Variants in PCDHA2 observed in about 807,000 individuals in gnomAD.
PCDHA2 encodes the protein protocadherin alpha 2, also known as protocadherin alpha-2.
A neutral mutation model predicts 66.0 loss-of-function variants in PCDHA2; 58 were observed. The ratio of observed to expected loss-of-function variants is 0.88; its 90% CI spans 0.71 to 1.09. The LOEUF (loss-of-function observed/expected upper bound fraction) is 1.09, where lower values mean the gene tolerates loss of function less well. Ranked by LOEUF, PCDHA2 falls within the 50% of genes least tolerant of loss-of-function variation. PCDHA2 has a pLI of 0.00. For missense variants in PCDHA2, 1,267 were observed against 1,242.3 expected, an observed-to-expected ratio of 1.02 and a Z score of -0.30; for synonymous variants, 634 against 554.0, an observed-to-expected ratio of 1.14 and a Z score of -2.03.
At chr5:140,848,190 T>C in intron 1 of PCDHA2, 1 of 291,738 alleles carries the variant, frequency 3.4e-6, no homozygotes, top group South Asian at 6.2e-5. Flanking sequence ...CGGGATCTTC[T>C]GTTTCAACAA....
chr5:140,975,707 A>G (rs1445809800), intron 1 of PCDHA2, among the ~76,000 whole-genome samples: 1 of 152,204 alleles, frequency 6.6e-6, no homozygotes, highest in East Asian at 1.9e-4. Context: ...ATTTTACTTT[A>G]AATCTTAGAA....
At position 140,972,813 on chromosome 5, in the gene PCDHA2, G is replaced by A. The variant is rs559474622; in HGVS notation, c.2389-6136G>A. Reference sequence around the variant, plus strand: ...TGAGTAGCTGAGATTACAGGCACGCGCCACCACGCCTGGCTAATTTTTGTA... The same window carrying A: ...TGAGTAGCTGAGATTACAGGCACGCACCACCACGCCTGGCTAATTTTTGTA... On this transcript the variant is annotated intron_variant, in intron 1 of 3. Transcript: ENST00000526136. Among the ~76,000 whole-genome samples, 11 of 151,984 alleles carry A rather than the reference G, an allele frequency of 7.2e-5. No individual in the cohort carries two copies. In the East Asian group the frequency reaches 1.2e-3, roughly 16 times the overall value.
chr5:140,829,852 A>G, intron 1 of PCDHA2: 2 of 1,613,942 alleles, frequency 1.2e-6, no homozygotes, highest in Admixed American at 1.7e-5. Context: ...CACTGGGTGC[A>G]GGCCAAGTGG....
At chr5:140,862,657 C>A (rs2047475881) in intron 1 of PCDHA2, 6 of 545,246 alleles carry the variant, frequency 1.1e-5, no homozygotes, top group Admixed American at 9.6e-5. Flanking sequence ...CGCGCGGGAC[C>A]GGGACGCGCA....
chr5:140,852,729 T>C, intron 1 of PCDHA2: 1 of 983,952 alleles, frequency 1.0e-6, no homozygotes, highest in South Asian at 4.8e-5. Flanking sequence ...TTTTTCAAGT[T>C]TCATGTGCCA....
At chr5:140,835,628 C>T (rs2150239805) in intron 1 of PCDHA2, 1 of 1,613,890 alleles carries the variant, frequency 6.2e-7, no homozygotes, top group Admixed American at 1.7e-5. Context: ...CTCTGGACCG[C>T]GAGAGTGTGT....
intron 1 of PCDHA2, among the ~76,000 whole-genome samples, chr5:140,910,646 G>T (rs1490115049): frequency 6.6e-6 from 1 of 152,158 alleles, no homozygotes; most frequent in Non-Finnish European, 1.5e-5. Flanking sequence ...TAAACCTTTT[G>T]ATCCCTTCCT....
chr5:140,807,058 G>T, intron 1 of PCDHA2: 1 of 1,098,788 alleles, frequency 9.1e-7, no homozygotes, highest in Non-Finnish European at 1.3e-6. Flanking sequence ...TATTCTTACT[G>T]GAAGGAACCA....
chr5:140,929,715 T>A, intron 1 of PCDHA2: 1 of 230,486 alleles, frequency 4.3e-6, no homozygotes, highest in East Asian at 9.8e-5. Flanking sequence ...ATATGGAAGG[T>A]GAAACATTTA....
intron 1 of PCDHA2, chr5:140,836,827 G>C: frequency 1.0e-6 from 1 of 968,068 alleles, no homozygotes; most frequent in African/African-American, 1.7e-5. Context: ...TTCTTTTTTA[G>C]TTGATAGCTT....
chr5:140,808,743 C>T, intron 1 of PCDHA2: 1 of 1,612,100 alleles, frequency 6.2e-7, no homozygotes, highest in Middle Eastern at 2.1e-4. Context: ...AAGGTGTACG[C>T]GCTGCAGCCG....
intron 1 of PCDHA2, chr5:140,810,965 A>G (rs1764766601): frequency 6.6e-6 from 1 of 152,076 alleles, no homozygotes; most frequent in South Asian, 2.1e-4. Flanking sequence ...ACATATTTTT[A>G]TCATTGTTGT....
intron 1 of PCDHA2, among the ~76,000 whole-genome samples, chr5:140,961,479 C>A (rs2095615905): frequency 6.6e-6 from 1 of 152,108 alleles, no homozygotes; most frequent in Admixed American, 6.6e-5. Context: ...TTTGTCTTGT[C>A]CACGTGAGTA....
intron 1 of PCDHA2, chr5:140,875,848 A>T: frequency 1.2e-6 from 2 of 1,614,188 alleles, no homozygotes; most frequent in East Asian, 2.2e-5. Context: ...GGTGAAGGAC[A>T]TTAACGACAA....
chr5:140,942,120 A>G (rs2093234009), intron 1 of PCDHA2, among the ~76,000 whole-genome samples: 1 of 152,234 alleles, frequency 6.6e-6, no homozygotes, highest in South Asian at 2.1e-4. Flanking sequence ...ACTTTATTAA[A>G]GGTGATATTT....
intron 1 of PCDHA2, chr5:140,829,244 G>A (rs1386334343): frequency 1.2e-5 from 19 of 1,614,148 alleles, no homozygotes; most frequent in Admixed American, 3.3e-5. Context: ...CAACGGGCAG[G>A]TGAACTGCTC....
chr5:140,908,596 T>C (rs1311064984), intron 1 of PCDHA2, among the ~76,000 whole-genome samples: 1 of 152,120 alleles, frequency 6.6e-6, no homozygotes, highest in African/African-American at 2.4e-5. Flanking sequence ...CTGCAGAAGA[T>C]GGAAGGGCCT....
chr5:140,933,865 A>G (rs918877939), intron 1 of PCDHA2, among the ~76,000 whole-genome samples: 14 of 151,864 alleles, frequency 9.2e-5, no homozygotes, highest in African/African-American at 1.4e-4. Flanking sequence ...TTTTTCAGAT[A>G]TATGTTAGTT....
At chr5:140,870,241 G>A (rs782478787) in intron 1 of PCDHA2, 2 of 1,614,196 alleles carry the variant, frequency 1.2e-6, no homozygotes, top group South Asian at 1.1e-5. Flanking sequence ...TGACTCAGGT[G>A]TCAACGGACA....
Sources: gnomAD v4.1 joint callset for allele counts (sites outside exome capture counted in the v4.1 genomes callset) on GRCh38, gnomAD v4.1.1 for gene constraint, MANE v1.5 for transcripts, NCBI Gene and HGNC (gene_info 2026-07-23, HGNC 2026-07-21) for gene names.